The following SLC1A2 variants were observed in gnomAD, a reference collection of about 807,000 sequenced individuals.
SLC1A2 encodes the protein solute carrier family 1 member 2, also known as excitatory amino acid transporter 2.
SLC1A2 carries 15 observed loss-of-function variants against 48.8 expected under a neutral mutation model. That is an observed-to-expected ratio of 0.31 (90% CI 0.21 to 0.47). The LOEUF (loss-of-function observed/expected upper bound fraction) is 0.47, where lower values mean the gene tolerates loss of function less well. Among genes scored for constraint, SLC1A2 ranks in the 20% least tolerant of loss-of-function variants. The pLI is 0.99. For synonymous variants in SLC1A2, 279 were observed against 272.6 expected, an observed-to-expected ratio of 1.02 and a Z score of -0.23; for missense variants, 502 against 730.5, an observed-to-expected ratio of 0.69 and a Z score of 3.61.
chr11:35,407,388 C>T (rs866475542), intron 1 of SLC1A2, among the ~76,000 whole-genome samples: 4 of 152,182 alleles, frequency 2.6e-5, no homozygotes, highest in South Asian at 2.1e-4. Flanking sequence ...GTATCTTCCA[C>T]GGATAATTCA....
At chr11:35,268,448 G>T (rs942718697) in intron 9 of SLC1A2, among the ~76,000 whole-genome samples, 1 of 152,092 alleles carries the variant, frequency 6.6e-6, no homozygotes, top group Non-Finnish European at 1.5e-5. Flanking sequence ...AGGCTGAGGT[G>T]GGCGGATCAC....
intron 1 of SLC1A2, among the ~76,000 whole-genome samples, chr11:35,413,973 A>G (rs1311702732): frequency 6.6e-6 from 1 of 152,226 alleles, no homozygotes; most frequent in Non-Finnish European, 1.5e-5. Context: ...AACATCATTC[A>G]AGGTCTTTAA....
At chr11:35,349,589 TGCA>T (rs1248543095) in intron 1 of SLC1A2, among the ~76,000 whole-genome samples, 1 of 152,234 alleles carries the variant, frequency 6.6e-6, no homozygotes, top group Non-Finnish European at 1.5e-5. Context: ...GTCCTTTCGC[TGCA>T]GCTAGCCACC....
At chr11:35,409,795 G>A (rs1232080868) in intron 1 of SLC1A2, among the ~76,000 whole-genome samples, 1 of 152,146 alleles carries the variant, frequency 6.6e-6, no homozygotes, top group African/African-American at 2.4e-5. Flanking sequence ...TGTAAACCCA[G>A]CTACTCAAGA....
intron 1 of SLC1A2, among the ~76,000 whole-genome samples, chr11:35,397,667 G>A (rs1855006417): frequency 6.6e-6 from 1 of 152,134 alleles, no homozygotes; most frequent in Non-Finnish European, 1.5e-5. Context: ...TTTTTGGGAG[G>A]TGATTAGGTC....
At chr11:35,332,075 G>A (rs1565250914) in intron 1 of SLC1A2, among the ~76,000 whole-genome samples, 1 of 152,186 alleles carries the variant, frequency 6.6e-6, no homozygotes, top group Non-Finnish European at 1.5e-5. Flanking sequence ...TTGGACAGAA[G>A]CCTAAACAAA....
chr11:35,345,211 A>G (rs1023331555), intron 1 of SLC1A2, among the ~76,000 whole-genome samples: 1 of 152,192 alleles, frequency 6.6e-6, no homozygotes. Flanking sequence ...ATCACACCTC[A>G]TAACTCTTGC....
chr11:35,324,526 C>T (rs964449484), intron 1 of SLC1A2, among the ~76,000 whole-genome samples: 1 of 152,162 alleles, frequency 6.6e-6, no homozygotes, highest in African/African-American at 2.4e-5. Context: ...TTTTAATATC[C>T]TTTCTTTGCC....
chr11:35,281,987 T>C (rs1298520551), intron 8 of SLC1A2: 3 of 152,134 alleles, frequency 2.0e-5, no homozygotes, highest in African/African-American at 7.2e-5. Context: ...GCCTCTCAAA[T>C]TGTTTCAACT....
At chr11:35,360,465 A>C (rs960132221) in intron 1 of SLC1A2, among the ~76,000 whole-genome samples, 1 of 152,186 alleles carries the variant, frequency 6.6e-6, no homozygotes, top group African/African-American at 2.4e-5. Flanking sequence ...CACTTCTCTA[A>C]CACCACCCTT....
At chr11:35,393,379 A>T (rs1305844470) in intron 1 of SLC1A2, among the ~76,000 whole-genome samples, 1 of 152,122 alleles carries the variant, frequency 6.6e-6, no homozygotes, top group Non-Finnish European at 1.5e-5. Context: ...GACTCTCCTG[A>T]TTTCTAAAGC....
chr11:35,286,659 C>T, intron 8 of SLC1A2, 98 bp downstream of exon 8: 2 of 822,624 alleles, frequency 2.4e-6, no homozygotes, highest in Non-Finnish European at 3.7e-6. Flanking sequence ...TTGTCTTCCA[C>T]CAGCAGAAAT....
chr11:35,265,529 T>C lies in SLC1A2; in HGVS notation c.1651A>G (p.Lys551Glu). 6.7e-7 allele frequency: 1 copy of C among 1,500,854 alleles called. No individual in the cohort carries two copies. 93.0% of individuals were successfully genotyped at this position (1,500,854 alleles called of 1,614,324 possible). The change falls in exon 10 of 11, where the codon AAG (lysine) becomes GAG (glutamate). Residue 551 changes from lysine (K) to glutamate (E), a missense_variant and splice_region_variant. By Grantham distance (56) the Lys-to-Glu change is moderately conservative. Around this residue, in one of 4 missense-constraint regions of SLC1A2, gnomAD observed 102 missense variants for 107.2 expected, o/e 0.95. Coordinates refer to ENST00000278379, the MANE Select transcript of SLC1A2 (RefSeq NM_004171.4). ...ATATCCATGAATGGGAAATGTACCT[T>C]GCATTCATCTACTATGACAGAGTTG... Reference protein sequence around the residue: ...AHNSVIVDECKVTLAANGKSA... With the variant: ...AHNSVIVDECEVTLAANGKSA...
chr11:35,254,084 C>T lies in SLC1A2; in HGVS notation c.*6810G>A, dbSNP rs1418537809. 2 of 152,456 alleles carry T rather than the reference C, an allele frequency of 1.3e-5. No homozygotes were observed. The highest frequency in any genetic ancestry group is 2.4e-5 in the African/African-American group (1 of 41,408). 9.4% of individuals were successfully genotyped at this position (152,456 alleles called of 1,614,324 possible). On this transcript the variant is annotated 3_prime_UTR_variant, in exon 11 of 11. Coordinates refer to ENST00000278379, the MANE Select transcript of SLC1A2 (RefSeq NM_004171.4). ...TACTGATCAGAGGGCAATATATTGT[C>T]CCTGGTAACACAGACTCTTACCAGG...
chr11:35,346,800 C>A (rs6484784), intron 1 of SLC1A2, among the ~76,000 whole-genome samples: 91,949 of 152,138 alleles, frequency 0.6, 27,995 homozygotes, highest in East Asian at 0.7. Context: ...TATGACAGAC[C>A]AAACAGAGAA....
rs1950323215 is a variant in SLC1A2, at chr11:35,257,029, A to G, written c.*3865T>C. 1 of 152,212 alleles carries G rather than the reference A, an allele frequency of 6.6e-6. No individual in the cohort carries two copies. The highest frequency in any genetic ancestry group is 2.1e-4 in the South Asian group (1 of 4,820). The allele number at this position is 152,212 out of a possible 1,614,324, so 9.4% of individuals were successfully genotyped here. ...AAAAAACTATAACATCACTTTTGCT[A>G]TTGAGAGCAAAGGGACGTGTAGTAT... On this transcript the variant is annotated 3_prime_UTR_variant, in exon 11 of 11. Coordinates refer to ENST00000278379, the MANE Select transcript of SLC1A2 (RefSeq NM_004171.4).
chr11:35,329,359 G>A (rs1036216318), intron 1 of SLC1A2, among the ~76,000 whole-genome samples: 2 of 152,140 alleles, frequency 1.3e-5, no homozygotes, highest in Non-Finnish European at 2.9e-5. Context: ...TGTAAACTAA[G>A]CACTCTGCAT....
chr11:35,370,973 C>A, intron 1 of SLC1A2: 1 of 985,284 alleles, frequency 1.0e-6, no homozygotes, highest in Non-Finnish European at 1.2e-6. Flanking sequence ...TCCATTTCTG[C>A]CAGGGTACAG....
chr11:35,352,830 C>G (rs1853311824), intron 1 of SLC1A2, among the ~76,000 whole-genome samples: 1 of 152,124 alleles, frequency 6.6e-6, no homozygotes, highest in African/African-American at 2.4e-5. Context: ...AATTAAGGAG[C>G]TGGGGAGAAA....
Sources: gnomAD v4.1 joint callset for allele counts (sites outside exome capture counted in the v4.1 genomes callset) on GRCh38, gnomAD v4.1.1 for gene constraint, gnomAD v4.1.1 regional missense constraint, MANE v1.5 for transcripts, NCBI Gene and HGNC (gene_info 2026-07-23, HGNC 2026-07-21) for gene names.